SESTD1: variants seen among roughly 807,000 people sequenced by gnomAD.
The protein encoded by SESTD1 is SEC14 and spectrin domain containing 1.
SESTD1 carries 43 observed loss-of-function variants against 101.7 expected under a neutral mutation model. That is an observed-to-expected ratio of 0.42 (90% confidence interval 0.33 to 0.55). The LOEUF is 0.55. SESTD1 is among the 20% of genes least tolerant of loss of function. The probability of loss-of-function intolerance (pLI) is 0.07; values close to 1 mark genes in which losing one functional copy is unlikely to be tolerated. For synonymous variants in SESTD1, 283 were observed against 286.8 expected (o/e 0.99, Z 0.13); for missense variants, 647 against 815.1 (o/e 0.79, Z 2.51).
intron 1 of SESTD1, among the ~76,000 whole-genome samples, chr2:179,216,478 A>G (rs1282766574): frequency 7.4e-6 from 1 of 135,376 alleles, no homozygotes; most frequent in Non-Finnish European, 1.6e-5. Flanking sequence ...ATGAAATAAA[A>G]GAGGACACAA....
chr2:179,258,834 CATCTT>C (rs2047438658), intron 1 of SESTD1, among the ~76,000 whole-genome samples: 1 of 152,180 alleles, frequency 6.6e-6, no homozygotes, highest in Admixed American at 6.5e-5. Context: ...AATGAAGTAT[CATCTT>C]AAATTACTAC....
chr2:179,239,361 CTCCTGGATGAGTCA>C (rs1559157316), intron 1 of SESTD1, among the ~76,000 whole-genome samples: 1 of 151,768 alleles, frequency 6.6e-6, no homozygotes, highest in Non-Finnish European at 1.5e-5. Flanking sequence ...TATAATGACT[CTCCTGGATGAGTCA>C]TCTGCAGGAA....
At position 179,203,771 on chromosome 2, in the gene SESTD1, GCC is replaced by G. The variant is rs1054780767; in HGVS notation, c.-25-11907_-25-11906del. Among the ~76,000 whole-genome samples the G allele has an allele frequency of 3.0e-5, 4 of 133,980 alleles. 1 individual carries two copies. The highest frequency in any genetic ancestry group is 1.2e-4 in the African/African-American group (4 of 33,792). 87.9% of individuals were successfully genotyped at this position (133,980 alleles called of 152,430 possible). On this transcript the variant is annotated intron_variant, in intron 1 of 17. Transcript: ENST00000428443. Reference sequence around the variant, plus strand: ...GTGCCTGGCATCTAAAGAGAGCACAGCCCAGCAATGGCACCTAAAGTGAAGAC... The same window carrying G: ...GTGCCTGGCATCTAAAGAGAGCACAGCAGCAATGGCACCTAAAGTGAAGAC...
At position 179,124,480 on chromosome 2, in the gene SESTD1, C is replaced by T; in HGVS notation, c.1051G>A (p.Glu351Lys). The T allele has an allele frequency of 6.2e-7, 1 of 1,614,056 alleles. No homozygotes were observed. Among genetic ancestry groups the T allele is most frequent in the Non-Finnish European group, 8.5e-7 (1 of 1,179,974 alleles). ...AGTTGTTGCTGCAGTGACTTTAGTT[C>T]CACAAGATCTTCCTCATCGCCAGCA... ...LNAGDEEDLVELKSLQQQLSD... is the reference protein window; with the variant it reads ...LNAGDEEDLVKLKSLQQQLSD... The change falls in exon 11 of 18, where the codon GAA becomes AAA. Residue 351 changes from glutamate (E) to lysine (K), a missense_variant. By Grantham distance (56) the Glu-to-Lys change is moderately conservative. Coordinates refer to ENST00000428443, the MANE Select transcript of SESTD1 (RefSeq NM_178123.5).
chr2:179,119,704 C>A (rs1348626986), intron 13 of SESTD1, among the ~76,000 whole-genome samples: 3 of 152,162 alleles, frequency 2.0e-5, no homozygotes, highest in Non-Finnish European at 2.9e-5. Flanking sequence ...ATCATGGGGG[C>A]ACATATCCCC....
At chr2:179,140,454 GGA>G (rs937976310) in intron 9 of SESTD1, among the ~76,000 whole-genome samples, 64 of 152,256 alleles carry the variant, frequency 4.2e-4, no homozygotes, top group Middle Eastern at 3.4e-3. Context: ...GTCAAGTCAA[GGA>G]GAGAGGCTGG....
intron 2 of SESTD1, among the ~76,000 whole-genome samples, chr2:179,188,640 T>G (rs1008757209): frequency 1.3e-5 from 2 of 151,414 alleles, no homozygotes; most frequent in Admixed American, 6.6e-5. Flanking sequence ...TGAGATCCTG[T>G]CTCAAAAAAA....
chr2:179,161,934 T>C lies in SESTD1; in HGVS notation c.369+10186A>G, dbSNP rs77670633. On this transcript the variant is annotated intron_variant, in intron 5 of 17. Transcript: ENST00000428443. ...CTGCATACTATGTTTTTTACCATTA[T>C]TTTTAGAGTACTAAAGACATCTTGA... Among the ~76,000 whole-genome samples the C allele has an allele frequency of 2.6e-3, 403 of 152,262 alleles. 3 individuals carry two copies. In the East Asian group the frequency reaches 0.029, roughly 11 times the overall value.
chr2:179,196,190 G>T (rs984000081), intron 1 of SESTD1, among the ~76,000 whole-genome samples: 7 of 152,366 alleles, frequency 4.6e-5, no homozygotes, highest in African/African-American at 1.4e-4. Context: ...AAAGAACGGG[G>T]TGACAGATGG....
chr2:179,239,829 A>G (rs559169874), intron 1 of SESTD1, among the ~76,000 whole-genome samples: 1 of 152,362 alleles, frequency 6.6e-6, no homozygotes, highest in South Asian at 2.1e-4. Flanking sequence ...ATACTCAACA[A>G]AGAGTAGATG....
At chr2:179,230,125 T>TA in intron 1 of SESTD1, among the ~76,000 whole-genome samples, 1 of 41,462 alleles carries the variant, frequency 2.4e-5, no homozygotes, top group African/African-American at 2.3e-4. Context: ...TTTTTTTTTT[T>TA]TTTTTTTTTT....
chr2:179,135,494 C>T (rs995479625), intron 9 of SESTD1, among the ~76,000 whole-genome samples: 3 of 152,074 alleles, frequency 2.0e-5, no homozygotes, highest in Non-Finnish European at 2.9e-5. Context: ...TGGCTCATAC[C>T]TGTAATCCCA....
At chr2:179,117,635 T>TTAAC in intron 13 of SESTD1, 22 bp from the exon 14 acceptor site, 1 of 1,538,676 alleles carries the variant, frequency 6.5e-7, no homozygotes, top group Non-Finnish European at 8.7e-7. Flanking sequence ...AAACATAAAT[T>TTAAC]TAACTCATCA....
intron 4 of SESTD1, among the ~76,000 whole-genome samples, chr2:179,174,967 T>G (rs1166354289): frequency 6.9e-6 from 1 of 144,606 alleles, no homozygotes; most frequent in African/African-American, 2.5e-5. Context: ...AAAGGTGGGA[T>G]GGGGGGATTC....
intron 5 of SESTD1, among the ~76,000 whole-genome samples, chr2:179,167,568 CAG>C (rs2045856390): frequency 6.6e-6 from 1 of 151,870 alleles, no homozygotes; most frequent in African/African-American, 2.4e-5. Context: ...ATAGAACACA[CAG>C]AGATACAGCA....
chr2:179,140,710 T>C (rs961179745), intron 9 of SESTD1, among the ~76,000 whole-genome samples: 17 of 152,186 alleles, frequency 1.1e-4, no homozygotes, highest in African/African-American at 4.1e-4. Context: ...CTCCCTTTCA[T>C]TCCTGAATTC....
chr2:179,164,224 G>A (rs2045794651), intron 5 of SESTD1, among the ~76,000 whole-genome samples: 1 of 152,152 alleles, frequency 6.6e-6, no homozygotes, highest in South Asian at 2.1e-4. Context: ...CAGAATAAAT[G>A]GAGCCAGGGG....
At chr2:179,137,845 C>G (rs1575435495) in intron 9 of SESTD1, among the ~76,000 whole-genome samples, 1 of 152,260 alleles carries the variant, frequency 6.6e-6, no homozygotes, top group South Asian at 2.1e-4. Context: ...AACAGAGATA[C>G]TCAGTTTATA....
intron 7 of SESTD1, among the ~76,000 whole-genome samples, chr2:179,147,368 T>G (rs537528106): frequency 5.0e-4 from 76 of 151,420 alleles, no homozygotes; most frequent in Middle Eastern, 3.4e-3. Context: ...TTTTTTTGTT[T>G]TTTTTTTTTT....
Sources: allele counts gnomAD v4.1 joint callset (sites outside exome capture counted in the v4.1 genomes callset), GRCh38; gene constraint gnomAD v4.1.1; transcripts MANE v1.5; gene names NCBI Gene and HGNC (gene_info 2026-07-23, HGNC 2026-07-21).